Variants in SLC25A21 observed in about 807,000 individuals in gnomAD.
The protein encoded by SLC25A21 is mitochondrial 2-oxodicarboxylate carrier.
Under a neutral mutation model 43.8 loss-of-function variants are expected in SLC25A21, and 47 were observed. The observed-to-expected ratio is 1.07, with a 90% CI of 0.85 to 1.37. The LOEUF is 1.37. SLC25A21 is among the 40% of genes most tolerant of loss of function. SLC25A21 has a pLI of 0.00. For missense variants in SLC25A21, 352 were observed against 350.2 expected, an observed-to-expected ratio of 1.00 and a Z score of -0.04; for synonymous variants, 131 against 121.3, an observed-to-expected ratio of 1.08 and a Z score of -0.52.
intron 1 of SLC25A21, among the ~76,000 whole-genome samples, chr14:36,954,151 A>C (rs1959262935): frequency 6.6e-6 from 1 of 152,066 alleles, no homozygotes; most frequent in Non-Finnish European, 1.5e-5. Context: ...CTCAGCTGAA[A>C]CCTGAAAGTC....
intron 1 of SLC25A21, among the ~76,000 whole-genome samples, chr14:37,088,051 T>TGTCACTATA (rs1163947396): frequency 1.3e-5 from 2 of 152,246 alleles, no homozygotes; most frequent in African/African-American, 4.8e-5. Context: ...ACTTGAAATG[T>TGTCACTATA]GTCACTATAG....
chr14:37,077,479 C>T (rs541307535), intron 1 of SLC25A21, among the ~76,000 whole-genome samples: 72 of 151,874 alleles, frequency 4.7e-4, no homozygotes, highest in Admixed American at 1.8e-3. Context: ...CATGAAAATC[C>T]GTATGTTATG....
intron 7 of SLC25A21, among the ~76,000 whole-genome samples, chr14:36,709,122 C>T (rs1883717529): frequency 6.6e-6 from 1 of 152,124 alleles, no homozygotes; most frequent in African/African-American, 2.4e-5. Flanking sequence ...ATTCTCCTGC[C>T]TCAGCCTCCC....
chr14:36,819,383 A>G (rs1350565657), intron 2 of SLC25A21, among the ~76,000 whole-genome samples: 1 of 151,558 alleles, frequency 6.6e-6, no homozygotes, highest in Non-Finnish European at 1.5e-5. Context: ...CACTAATTGA[A>G]GCATTTTTTT....
intron 1 of SLC25A21, among the ~76,000 whole-genome samples, chr14:37,004,979 A>AGT (rs1166520577): frequency 6.7e-6 from 1 of 148,876 alleles, no homozygotes; most frequent in East Asian, 2.0e-4. Context: ...GCTGGAGTGC[A>AGT]GTGGCTTTAT....
chr14:36,941,190 C>T (rs1198401607), intron 1 of SLC25A21, among the ~76,000 whole-genome samples: 1 of 151,954 alleles, frequency 6.6e-6, no homozygotes, highest in Admixed American at 6.6e-5. Flanking sequence ...TGATCAGGGA[C>T]AGCAATGATC....
intron 1 of SLC25A21, among the ~76,000 whole-genome samples, chr14:37,088,972 T>A (rs749232755): frequency 1.3e-5 from 2 of 152,210 alleles, no homozygotes; most frequent in Admixed American, 1.3e-4. Flanking sequence ...AAGTCTAACA[T>A]AACTTTTTAA....
intron 1 of SLC25A21, 99 bp downstream of exon 1, chr14:37,172,182 G>A (rs932735456): frequency 8.1e-7 from 1 of 1,242,006 alleles, no homozygotes; most frequent in Non-Finnish European, 1.1e-6. Context: ...TGAGGAAGAG[G>A]GCAGAACTTC....
At chr14:36,861,680 T>C (rs1890068873) in intron 2 of SLC25A21, among the ~76,000 whole-genome samples, 2 of 152,322 alleles carry the variant, frequency 1.3e-5, no homozygotes, top group African/African-American at 4.8e-5. Context: ...TTCTTAGAGC[T>C]TAACTAGAAA....
At chr14:36,965,073 C>T (rs537115711) in intron 1 of SLC25A21, among the ~76,000 whole-genome samples, 2 of 152,066 alleles carry the variant, frequency 1.3e-5, no homozygotes, top group South Asian at 4.2e-4. Flanking sequence ...GAATCTGGAC[C>T]CATTGTCTAA....
At chr14:36,862,897 C>G (rs112012393) in intron 2 of SLC25A21, among the ~76,000 whole-genome samples, 1 of 151,980 alleles carries the variant, frequency 6.6e-6, no homozygotes, top group Admixed American at 6.6e-5. Context: ...TATAGTAACA[C>G]GCAAATTGGA....
chr14:36,696,024 G>T (rs1169353221), intron 7 of SLC25A21, among the ~76,000 whole-genome samples: 1 of 152,130 alleles, frequency 6.6e-6, no homozygotes, highest in Non-Finnish European at 1.5e-5. Context: ...TGCCCATTCA[G>T]TATGATATTG....
intron 6 of SLC25A21, among the ~76,000 whole-genome samples, chr14:36,718,911 TTTACAG>T (rs1884262421): frequency 6.6e-6 from 1 of 152,160 alleles, no homozygotes; most frequent in Non-Finnish European, 1.5e-5. Flanking sequence ...AAAACAGGCT[TTTACAG>T]TTTCCTATAG....
At chr14:36,698,024 T>C (rs1466299507) in intron 7 of SLC25A21, among the ~76,000 whole-genome samples, 1 of 152,210 alleles carries the variant, frequency 6.6e-6, no homozygotes, top group Admixed American at 6.5e-5. Context: ...GTCTTTACAA[T>C]TTGGCATGTT....
At chr14:36,851,473 C>T (rs1466996089) in intron 2 of SLC25A21, among the ~76,000 whole-genome samples, 1 of 152,162 alleles carries the variant, frequency 6.6e-6, no homozygotes, top group African/African-American at 2.4e-5. Flanking sequence ...TAGCTCCAAC[C>T]TTTGTCATTT....
chr14:36,838,169 C>A (rs1196952033), intron 2 of SLC25A21, among the ~76,000 whole-genome samples: 1 of 152,186 alleles, frequency 6.6e-6, no homozygotes, highest in Non-Finnish European at 1.5e-5. Flanking sequence ...AGGCACAGTG[C>A]ACACGGCTGC....
Position 37,165,030 on chromosome 14 carries a change from G to T in SLC25A21, c.70+7251C>A, listed in dbSNP as rs1234303470. The stretch of plus-strand genomic sequence containing the variant: ...TGAATTTAAATGAAAGCAATGAACT[G>T]CAGGGAGATGCACAAAGTAAAAACA... On this transcript the variant is annotated intron_variant, in intron 1 of 9. Transcript: ENST00000331299. Among the ~76,000 whole-genome samples the T allele has an allele frequency of 2.0e-4, 31 of 152,202 alleles. 1 individual carries two copies. The highest frequency in any genetic ancestry group is 2.0e-3 in the Admixed American group (30 of 15,270).
At chr14:36,930,412 A>G (rs1892254739) in intron 1 of SLC25A21, among the ~76,000 whole-genome samples, 1 of 152,026 alleles carries the variant, frequency 6.6e-6, no homozygotes, top group South Asian at 2.1e-4. Flanking sequence ...AGTCATGGTA[A>G]ACTCCCCTTT....
At chr14:36,787,986 G>T (rs1405397551) in intron 3 of SLC25A21, among the ~76,000 whole-genome samples, 1 of 152,110 alleles carries the variant, frequency 6.6e-6, no homozygotes, top group Non-Finnish European at 1.5e-5. Flanking sequence ...TGTTTGATGT[G>T]GACGCTAAGC....
Sources: gnomAD v4.1 joint callset for allele counts (sites outside exome capture counted in the v4.1 genomes callset) on GRCh38, gnomAD v4.1.1 for gene constraint, MANE v1.5 for transcripts, NCBI Gene and HGNC (gene_info 2026-07-23, HGNC 2026-07-21) for gene names.